Variants in SHROOM4 observed in about 807,000 individuals in gnomAD.
The protein encoded by SHROOM4 is protein Shroom4.
In SHROOM4, 17 loss-of-function variants were observed where a neutral mutation model predicts 80.3. The ratio of observed to expected loss-of-function variants is 0.21; its 90% CI spans 0.14 to 0.32. The LOEUF (loss-of-function observed/expected upper bound fraction) is 0.32, where lower values mean the gene tolerates loss of function less well. Among genes scored for constraint, SHROOM4 ranks in the 10% least tolerant of loss-of-function variants. The pLI is 1.00. For synonymous variants in SHROOM4, 400 were observed against 437.5 expected (o/e 0.91, Z 1.07); for missense variants, 993 against 1,140.3 (o/e 0.87, Z 1.86).
At chrX:50,645,621 C>T (rs1166798696) in intron 2 of SHROOM4, among the ~76,000 whole-genome samples, 1 of 111,620 alleles carries the variant, frequency 9.0e-6, no homozygotes, top group African/African-American at 3.3e-5. Flanking sequence ...AGAAATCCTT[C>T]GTTGAGGGAA....
intron 2 of SHROOM4, among the ~76,000 whole-genome samples, chrX:50,693,066 T>C (rs1223370815): frequency 9.0e-6 from 1 of 111,177 alleles, no homozygotes; most frequent in African/African-American, 3.3e-5. Context: ...GTTGGTTATA[T>C]GGTCTGGAGC....
chrX:50,761,840 C>T (rs1328456013), intron 1 of SHROOM4, among the ~76,000 whole-genome samples: 9 of 111,846 alleles, frequency 8.0e-5, no homozygotes, highest in Non-Finnish European at 1.9e-5. Flanking sequence ...GGATTACAAG[C>T]GTGAGCCACT....
chrX:50,806,445 A>C (rs1278110854), intron 1 of SHROOM4, among the ~76,000 whole-genome samples: 1 of 112,359 alleles, frequency 8.9e-6, no homozygotes, highest in African/African-American at 3.2e-5. Flanking sequence ...CTAATGCGTA[A>C]GACAATTTTT....
chrX:50,668,505 A>G (rs913719325), intron 2 of SHROOM4, among the ~76,000 whole-genome samples: 18 of 111,996 alleles, frequency 1.6e-4, no homozygotes, highest in Non-Finnish European at 3.4e-4. Flanking sequence ...AGCCAGCTAA[A>G]ACAAGCTTAA....
At chrX:50,640,492 A>AGGCCCT (rs1931549819) in intron 2 of SHROOM4, among the ~76,000 whole-genome samples, 2 of 108,261 alleles carry the variant, frequency 1.8e-5, no homozygotes, top group Non-Finnish European at 3.8e-5. Flanking sequence ...GTTCTAGTCC[A>AGGCCCT]GGCCCTTGAA....
At chrX:50,576,962 A>T in the SHROOM4 span, among the ~76,000 whole-genome samples, 1 of 112,215 alleles carries the variant, frequency 8.9e-6, no homozygotes, top group Non-Finnish European at 1.9e-5. Context: ...TATCAAATGT[A>T]ATTTAGAAAA....
rs1253818561 is a variant in SHROOM4, at chrX:50,597,108, G to A, written c.4213-144C>T. The A allele has an allele frequency of 1.8e-5, 13 of 704,233 alleles. No individual in the cohort carries two copies. In the African/African-American group the frequency reaches 2.8e-4, roughly 15 times the overall value. 58.0% of individuals were successfully genotyped at this position (704,233 alleles called of 1,213,427 possible). ...TAGTCAGTCCTAGATTTTCTGCCCTGAAGTCTACCTCCATGCAAAAGCCTT... is the reference window on the plus strand; with the variant it reads ...TAGTCAGTCCTAGATTTTCTGCCCTAAAGTCTACCTCCATGCAAAAGCCTT... On this transcript the variant is annotated intron_variant, in intron 8 of 8. Coordinates refer to ENST00000376020, the MANE Select transcript of SHROOM4 (RefSeq NM_020717.5).
intron 2 of SHROOM4, among the ~76,000 whole-genome samples, chrX:50,655,600 T>A (rs186514035): frequency 2.4e-4 from 25 of 103,960 alleles, no homozygotes; most frequent in African/African-American, 9.2e-4. Flanking sequence ...TTATTCATCA[T>A]CTTTATTCAT....
intron 5 of SHROOM4, among the ~76,000 whole-genome samples, chrX:50,611,846 G>T (rs782437712): frequency 1.8e-5 from 2 of 111,097 alleles, no homozygotes; most frequent in Non-Finnish European, 3.8e-5. Flanking sequence ...CTTGAACCTA[G>T]GAGGCGGAGG....
Position 50,764,972 on chromosome X carries a change from T to C in SHROOM4, c.117+48930A>G, listed in dbSNP as rs1330174250. 2.7e-5 allele frequency among the ~76,000 whole-genome samples: 3 copies of C among 111,544 alleles called. No homozygotes were observed. In the Admixed American group the frequency reaches 2.8e-4, roughly 11 times the overall value. On this transcript the variant is annotated intron_variant, in intron 1 of 8. Transcript: ENST00000376020. ...GCATGACTTACATGGCAGCAGGCAATAGAGCATGTGCAAGGGAACTTCCCT... is the reference window on the plus strand; with the variant it reads ...GCATGACTTACATGGCAGCAGGCAACAGAGCATGTGCAAGGGAACTTCCCT...
the SHROOM4 span, among the ~76,000 whole-genome samples, chrX:50,579,503 A>C: frequency 8.9e-6 from 1 of 111,993 alleles, no homozygotes; most frequent in Admixed American, 9.5e-5. Context: ...CCTATAATTT[A>C]TGGGGAATGA....
intron 1 of SHROOM4, among the ~76,000 whole-genome samples, chrX:50,697,810 G>C (rs1320186424): frequency 9.0e-6 from 1 of 111,625 alleles, no homozygotes; most frequent in African/African-American, 3.3e-5. Context: ...AAAAGAGAGA[G>C]AGAAAAGGAA....
At chrX:50,783,895 A>G (rs1935683651) in intron 1 of SHROOM4, among the ~76,000 whole-genome samples, 1 of 112,096 alleles carries the variant, frequency 8.9e-6, no homozygotes, top group African/African-American at 3.2e-5. Context: ...ACTTTATATA[A>G]AAATTCAAAC....
At chrX:50,751,280 T>C (rs1557268027) in intron 1 of SHROOM4, among the ~76,000 whole-genome samples, 1 of 111,535 alleles carries the variant, frequency 9.0e-6, no homozygotes. Context: ...GATGTGACAA[T>C]AAAACAACAA....
At chrX:50,692,905 C>T (rs1189830891) in intron 2 of SHROOM4, among the ~76,000 whole-genome samples, 1 of 111,809 alleles carries the variant, frequency 8.9e-6, no homozygotes, top group African/African-American at 3.3e-5. Context: ...TTAAAGATGG[C>T]TTCTGTGTTT....
intron 2 of SHROOM4, among the ~76,000 whole-genome samples, chrX:50,661,531 T>C (rs1456964771): frequency 8.9e-6 from 1 of 112,258 alleles, no homozygotes; most frequent in Admixed American, 9.4e-5. Flanking sequence ...TTAGAAAGAC[T>C]TTTCTTATTT....
chrX:50,770,835 C>T (rs782620907), intron 1 of SHROOM4, among the ~76,000 whole-genome samples: 2 of 111,784 alleles, frequency 1.8e-5, no homozygotes, highest in South Asian at 7.6e-4. Flanking sequence ...GCCCCACCTT[C>T]TAGCAGAGGC....
intron 1 of SHROOM4, among the ~76,000 whole-genome samples, chrX:50,746,168 T>A (rs782603547): frequency 8.9e-6 from 1 of 112,062 alleles, no homozygotes; most frequent in Non-Finnish European, 1.9e-5. Context: ...GTACCTTCTA[T>A]TACTATAATC....
chrX:50,691,281 T>C (rs1371636744), intron 2 of SHROOM4, among the ~76,000 whole-genome samples: 2 of 111,635 alleles, frequency 1.8e-5, no homozygotes. Flanking sequence ...TTCAATACGG[T>C]TTGTATCATC....
Sources: allele counts gnomAD v4.1 joint callset (sites outside exome capture counted in the v4.1 genomes callset), GRCh38; gene constraint gnomAD v4.1.1; transcripts MANE v1.5; gene names NCBI Gene and HGNC (gene_info 2026-07-23, HGNC 2026-07-21).